PIEZO2: variants seen among roughly 807,000 people sequenced by gnomAD.
The protein encoded by PIEZO2 is piezo type mechanosensitive ion channel component 2.
Under a neutral mutation model 337.3 loss-of-function variants are expected in PIEZO2, and 172 were observed. The ratio of observed to expected loss-of-function variants is 0.51; its 90% CI spans 0.45 to 0.58. The LOEUF is 0.58. Ranked by LOEUF, PIEZO2 falls within the 20% of genes least tolerant of loss-of-function variation. The pLI is 0.00. For synonymous variants in PIEZO2, 1,251 were observed against 1,228.5 expected, an observed-to-expected ratio of 1.02 and a Z score of -0.38; for missense variants, 3,028 against 3,391.3, an observed-to-expected ratio of 0.89 and a Z score of 2.66.
At chr18:11,066,556 C>T (rs2038158673) in intron 1 of PIEZO2, among the ~76,000 whole-genome samples, 1 of 152,080 alleles carries the variant, frequency 6.6e-6, no homozygotes, top group African/African-American at 2.4e-5. Context: ...ATTGTGACAC[C>T]AAACACATAA....
intron 2 of PIEZO2, among the ~76,000 whole-genome samples, chr18:10,983,752 C>T (rs926962930): frequency 6.6e-6 from 1 of 152,134 alleles, no homozygotes; most frequent in Non-Finnish European, 1.5e-5. Flanking sequence ...GCACCTTGTA[C>T]ATCCCTGTGC....
chr18:10,685,128 G>A (rs1470875707), intron 49 of PIEZO2, among the ~76,000 whole-genome samples: 1 of 152,176 alleles, frequency 6.6e-6, no homozygotes, highest in Non-Finnish European at 1.5e-5. Flanking sequence ...TCAGGTTATT[G>A]CTCTTGCTTC....
chr18:10,827,866 G>C (rs1197986220), intron 7 of PIEZO2, among the ~76,000 whole-genome samples: 1 of 152,160 alleles, frequency 6.6e-6, no homozygotes, highest in African/African-American at 2.4e-5. Context: ...TGTAGCTGTT[G>C]AATAAAGCCT....
intron 43 of PIEZO2, 40 bp downstream of exon 43, chr18:10,701,949 G>T: frequency 6.9e-7 from 1 of 1,456,386 alleles, no homozygotes; most frequent in Non-Finnish European, 9.0e-7. Flanking sequence ...TATCTAGGAA[G>T]ATGACCAACT....
chr18:10,742,382 G>T, intron 32 of PIEZO2, 112 bp downstream of exon 32: 1 of 1,227,376 alleles, frequency 8.1e-7, no homozygotes, highest in East Asian at 2.6e-5. Context: ...AATCAAAAAA[G>T]TGTATCGATA....
rs142189014 is a variant in PIEZO2, at chr18:10,974,161, C to T, written c.286+5374G>A. ...AAACTGCCAGGCTGGGTCTGTCCCT[C>T]AGTCTTCTTGTCGTAGGCCGACGCT... On this transcript the variant is annotated intron_variant, in intron 3 of 55. Coordinates refer to ENST00000674853, the MANE Select transcript of PIEZO2 (RefSeq NM_001378183.1). 8.3e-4 allele frequency among the ~76,000 whole-genome samples: 126 copies of T among 152,294 alleles called. No homozygotes were observed. In the East Asian group the frequency reaches 0.019, roughly 23 times the overall value.
chr18:10,803,866 A>G lies in PIEZO2; in HGVS notation c.1200+9T>C, dbSNP rs1240555611. On this transcript the variant is annotated intron_variant, in intron 9 of 55. Transcript: ENST00000674853. ...TTAGGGAACGGAAATCCCTTTCATC[A>G]TGGCTTACTTTTCTCTCATCAGTGG... 3 of 1,536,374 alleles carry G rather than the reference A, an allele frequency of 2.0e-6. No homozygotes were observed. Among genetic ancestry groups the G allele is most frequent in the East Asian group, 4.9e-5 (2 of 40,920 alleles).
At chr18:10,931,713 T>TGTGTGTGTGTGAGAGAGA (rs1004023756) in intron 3 of PIEZO2, among the ~76,000 whole-genome samples, 8 of 147,760 alleles carry the variant, frequency 5.4e-5, no homozygotes, top group African/African-American at 2.0e-4. Context: ...TGTGTGTGTG[T>TGTGTGTGTGTGAGAGAGA]GAGAGAGAGA....
chr18:10,723,686 TG>T (rs1233041933), intron 36 of PIEZO2, among the ~76,000 whole-genome samples: 3 of 151,960 alleles, frequency 2.0e-5, no homozygotes, highest in Admixed American at 6.5e-5. Context: ...AGGCAGTCTC[TG>T]GGGGGAGACG....
intron 3 of PIEZO2, among the ~76,000 whole-genome samples, chr18:10,928,308 A>C (rs2031872677): frequency 6.6e-6 from 1 of 152,192 alleles, no homozygotes; most frequent in African/African-American, 2.4e-5. Context: ...AACAGACAGA[A>C]GTCTTACCAA....
At position 10,819,413 on chromosome 18, in the gene PIEZO2, T is replaced by C. The variant is rs1728012; in HGVS notation, c.918-12139A>G. ...AATTAAAGATTTTAGATTACAGTTA[T>C]TAATCAATGGAAAGAATAATGCTGA... On this transcript the variant is annotated intron_variant, in intron 7 of 55. Transcript: ENST00000674853. This position sits in a 1 kb window ranked among gnomAD's most constrained non-coding sequence, Gnocchi z 4.3. 0.19 allele frequency among the ~76,000 whole-genome samples: 29,142 copies of C among 152,190 alleles called. 2,870 individuals carry two copies. The highest frequency in any genetic ancestry group is 0.25 in the Middle Eastern group (73 of 294).
Position 10,819,161 on chromosome 18 carries a change from C to A in PIEZO2, c.918-11887G>T, listed in dbSNP as rs1018409350. Among the ~76,000 whole-genome samples, 1 of 151,966 alleles carries A rather than the reference C, an allele frequency of 6.6e-6. No homozygotes were observed. The highest frequency in any genetic ancestry group is 2.4e-5 in the African/African-American group (1 of 41,362). ...TACAGTAAAGCATTGATGAAATTAA[C>A]AATAAAAAGGTATAATGATTTCTAC... On this transcript the variant is annotated intron_variant, in intron 7 of 55. Transcript: ENST00000674853. The surrounding 1 kb of genome is among the most constrained non-coding windows in gnomAD (Gnocchi z 4.3).
At chr18:10,917,304 C>T (rs1389826506) in intron 3 of PIEZO2, among the ~76,000 whole-genome samples, 1 of 152,058 alleles carries the variant, frequency 6.6e-6, no homozygotes, top group Non-Finnish European at 1.5e-5. Context: ...TCTTTATTTC[C>T]TTAGACAAGT....
intron 21 of PIEZO2, among the ~76,000 whole-genome samples, chr18:10,765,996 G>A (rs112839646): frequency 3.9e-5 from 6 of 152,266 alleles, no homozygotes; most frequent in African/African-American, 1.4e-4. Flanking sequence ...CAAATCAGAG[G>A]AGGACTAAAG....
intron 4 of PIEZO2, among the ~76,000 whole-genome samples, chr18:10,887,062 A>C (rs947314571): frequency 1.3e-4 from 14 of 109,636 alleles, no homozygotes; most frequent in South Asian, 3.7e-4. Flanking sequence ...GGGAGGTGAC[A>C]CACTTTTTTT....
intron 52 of PIEZO2, among the ~76,000 whole-genome samples, chr18:10,678,190 A>G (rs1047106655): frequency 5.9e-5 from 9 of 152,224 alleles, no homozygotes; most frequent in East Asian, 1.9e-4. Context: ...TATCAACCCA[A>G]TGATGTTAGT....
Position 11,125,905 on chromosome 18 carries a change from C to T in PIEZO2, c.64+22620G>A, listed in dbSNP as rs1206469621. Among the ~76,000 whole-genome samples the T allele has an allele frequency of 2.0e-5, 3 of 152,214 alleles. No individual in the cohort carries two copies. Among genetic ancestry groups the T allele is most frequent in the Admixed American group, 6.5e-5 (1 of 15,288 alleles). On this transcript the variant is annotated intron_variant, in intron 1 of 55. Transcript: ENST00000674853. The surrounding 1 kb of genome is among the most constrained non-coding windows in gnomAD (Gnocchi z 4.4). Reference sequence around the variant, plus strand: ...TTCACACCTGCTAACTTGAGGGCTGCCAGGGCAGCTCTAGTGCCCAACGGT... The same window carrying T: ...TTCACACCTGCTAACTTGAGGGCTGTCAGGGCAGCTCTAGTGCCCAACGGT...
Position 11,027,622 on chromosome 18 carries a change from T to C in PIEZO2, c.160+38505A>G, listed in dbSNP as rs975840075. Among the ~76,000 whole-genome samples the C allele has an allele frequency of 2.0e-5, 3 of 152,194 alleles. No homozygotes were observed. Among genetic ancestry groups the C allele is most frequent in the Non-Finnish European group, 4.4e-5 (3 of 68,024 alleles). On this transcript the variant is annotated intron_variant, in intron 2 of 55. Transcript: ENST00000674853. The surrounding 1 kb of genome is among the most constrained non-coding windows in gnomAD (Gnocchi z 4.2). ...GAAAATTTAATTTAAATAACTGTCT[T>C]AGGTAACTGGGTTGATGAACAAATG...
chr18:10,751,680 A>G lies in PIEZO2; in HGVS notation c.4167+956T>C, dbSNP rs146667707. 3.7e-3 allele frequency among the ~76,000 whole-genome samples: 559 copies of G among 152,348 alleles called. 5 individuals carry two copies. Among genetic ancestry groups the G allele is most frequent in the African/African-American group, 0.012 (519 of 41,584 alleles). ...ATCCCTAAGTAGCTAGGAAGGAAGA[A>G]GCAGAAGAGATTTCCTCACTGCTCT... is the stretch of plus-strand genomic sequence containing the variant. On this transcript the variant is annotated intron_variant, in intron 28 of 55. Transcript: ENST00000674853.
Sources: allele counts gnomAD v4.1 joint callset (sites outside exome capture counted in the v4.1 genomes callset), GRCh38; gene constraint gnomAD v4.1.1; non-coding constraint Gnocchi (gnomAD v3.1); transcripts MANE v1.5; gene names NCBI Gene and HGNC (gene_info 2026-07-23, HGNC 2026-07-21).